ITGB3BP: variants seen among roughly 807,000 people sequenced by gnomAD.
The protein encoded by ITGB3BP is integrin subunit beta 3 binding protein.
In ITGB3BP, 27 loss-of-function variants were observed where a neutral mutation model predicts 29.1. The ratio of observed to expected loss-of-function variants is 0.93; its 90% confidence interval spans 0.68 to 1.28. The LOEUF (loss-of-function observed/expected upper bound fraction) is 1.28. Ranked by LOEUF, ITGB3BP falls within the 50% of genes most tolerant of loss-of-function variation. The pLI is 0.00. For missense variants in ITGB3BP, 192 were observed against 200.2 expected, an observed-to-expected ratio of 0.96 and a Z score of 0.25; for synonymous variants, 61 against 61.4, an observed-to-expected ratio of 0.99 and a Z score of 0.03.
At chr1:63,510,370 G>A (rs1179353032) in intron 1 of ITGB3BP, among the ~76,000 whole-genome samples, 2 of 152,036 alleles carry the variant, frequency 1.3e-5, no homozygotes, top group Non-Finnish European at 2.9e-5. Flanking sequence ...CTTAGACAAA[G>A]TAACTAAATG....
intron 4 of ITGB3BP, among the ~76,000 whole-genome samples, chr1:63,460,314 T>A (rs1349130457): frequency 6.6e-6 from 1 of 152,188 alleles, no homozygotes; most frequent in African/African-American, 2.4e-5. Context: ...GCTTCCCACC[T>A]CCAGCCTCTA....
At chr1:63,452,520 G>A (rs17125020) in intron 7 of ITGB3BP, among the ~76,000 whole-genome samples, 29,770 of 152,098 alleles carry the variant, frequency 0.2, 3,217 homozygotes, top group African/African-American at 0.29. Flanking sequence ...ACAGACAAGA[G>A]GCCAGGCGTG....
Position 63,454,307 on chromosome 1 carries a change from A to G in ITGB3BP, c.427+73T>C. On this transcript the variant is annotated intron_variant, in intron 6 of 8. Transcript: ENST00000271002. The surrounding 1 kb of genome is among the most constrained non-coding windows in gnomAD (Gnocchi z 4.1). ...AGTAATGGTATATATAAAGAAGTCT[A>G]TCAAATGTAAATGAGACAAATTAAT... is the stretch of plus-strand genomic sequence containing the variant. 1.4e-6 allele frequency: 1 copy of G among 722,140 alleles called. No individual in the cohort carries two copies. Among genetic ancestry groups the G allele is most frequent in the Non-Finnish European group, 2.4e-6 (1 of 424,592 alleles). 44.7% of individuals were successfully genotyped at this position (722,140 alleles called of 1,614,324 possible). A position where few individuals can be genotyped will look rare whatever the true frequency, so the allele number is the denominator to read the frequency against.
chr1:63,503,661 C>T (rs1645997197), intron 2 of ITGB3BP, among the ~76,000 whole-genome samples: 1 of 152,146 alleles, frequency 6.6e-6, no homozygotes, highest in Non-Finnish European at 1.5e-5. Context: ...ACATTTAAGT[C>T]TTTAATCCAT....
At chr1:63,505,612 T>G (rs1487550843) in intron 2 of ITGB3BP, among the ~76,000 whole-genome samples, 2 of 152,176 alleles carry the variant, frequency 1.3e-5, no homozygotes, top group Non-Finnish European at 2.9e-5. Flanking sequence ...TTAGGGGGTG[T>G]CAATTTTAGA....
Position 63,446,800 on chromosome 1 carries a change from CAG to C in ITGB3BP, c.*1+4_*1+5del. 1.9e-6 allele frequency: 3 copies of C among 1,593,410 alleles called. No individual in the cohort carries two copies. The highest frequency in any genetic ancestry group is 2.6e-6 in the Non-Finnish European group (3 of 1,161,712). The stretch of plus-strand genomic sequence containing the variant: ...GTTAAACTAAATTAGAAAGGTGAAA[CAG>C]TACCTCAGTTTAAAATGGCTTTAAG... On this transcript the variant is annotated splice_donor_5th_base_variant and intron_variant, in intron 8 of 8. Transcript: ENST00000271002.
intron 4 of ITGB3BP, among the ~76,000 whole-genome samples, chr1:63,462,150 T>A (rs1645027913): frequency 6.6e-6 from 1 of 152,250 alleles, no homozygotes; most frequent in Non-Finnish European, 1.5e-5. Context: ...TTCTTTAATT[T>A]CTTTCAAAAA....
intron 4 of ITGB3BP, among the ~76,000 whole-genome samples, chr1:63,476,856 G>GTA (rs1220516983): frequency 6.6e-6 from 1 of 152,074 alleles, no homozygotes; most frequent in African/African-American, 2.4e-5. Context: ...TGCTTTCACT[G>GTA]TATATCCTTT....
rs1305700933 is a variant in ITGB3BP at position 63,490,174 on chromosome 1, A to T, written c.93T>A (p.Thr31=). Residue 31 remains threonine, a synonymous_variant, in exon 3 of 9, where the codon ACT becomes ACA. Transcript: ENST00000271002. ...SKITRKKSVI[T]YSPTTGTCQM... ...GACAAGTTCCAGTTGTTGGAGAATA[A>T]GTTATAACACTTTTCTTCCTTGTGA... 1 of 1,594,622 alleles carries T rather than the reference A, an allele frequency of 6.3e-7. No individual in the cohort carries two copies. The highest frequency in any genetic ancestry group is 8.6e-7 in the Non-Finnish European group (1 of 1,163,492).
intron 3 of ITGB3BP, among the ~76,000 whole-genome samples, chr1:63,488,718 A>T (rs1233692039): frequency 1.3e-5 from 2 of 152,104 alleles, no homozygotes; most frequent in Non-Finnish European, 2.9e-5. Flanking sequence ...TATATATTAC[A>T]GCACATATGA....
rs1236322223 is a variant in ITGB3BP at position 63,500,753 on chromosome 1, G to A, written c.48+7775C>T. 3.3e-5 allele frequency among the ~76,000 whole-genome samples: 5 copies of A among 151,834 alleles called. No homozygotes were observed. The East Asian group carries it at 9.6e-4, about 29-fold the overall frequency. On this transcript the variant is annotated intron_variant, in intron 2 of 8. Coordinates refer to ENST00000271002, the MANE Select transcript of ITGB3BP (RefSeq NM_014288.5). ...ATGTAATCCTTATCAAAATTCCAAT[G>A]CCTTTTTTTTTCCAGAAGTGGACTA...
intron 4 of ITGB3BP, among the ~76,000 whole-genome samples, chr1:63,461,900 T>C (rs539412867): frequency 6.6e-6 from 1 of 152,348 alleles, no homozygotes; most frequent in Non-Finnish European, 1.5e-5. Flanking sequence ...TCAGGAAATA[T>C]GAGTCTTCCA....
At chr1:63,472,711 G>C (rs576321698) in intron 4 of ITGB3BP, among the ~76,000 whole-genome samples, 3 of 151,220 alleles carry the variant, frequency 2.0e-5, no homozygotes, top group South Asian at 2.1e-4. Flanking sequence ...TCCTAACCGC[G>C]AGTGATCCGC....
At chr1:63,453,269 A>C (rs1644886880) in intron 7 of ITGB3BP, among the ~76,000 whole-genome samples, 1 of 152,348 alleles carries the variant, frequency 6.6e-6, no homozygotes, top group Admixed American at 6.5e-5. Flanking sequence ...GGCTGAAAAC[A>C]CGGCCACCCA....
chr1:63,517,232 T>C (rs960109865), intron 1 of ITGB3BP, among the ~76,000 whole-genome samples: 1 of 151,986 alleles, frequency 6.6e-6, no homozygotes, highest in Non-Finnish European at 1.5e-5. Flanking sequence ...ATGACAGGGA[T>C]TGCATTAAAT....
chr1:63,506,299 G>A lies in ITGB3BP; in HGVS notation c.48+2229C>T, dbSNP rs562827350. The stretch of plus-strand genomic sequence containing the variant: ...TTCTTTGTCTCTTTTGATCTTTGTT[G>A]GTTTAAAGTCTGTTTTATCAGAGAC... On this transcript the variant is annotated intron_variant, in intron 2 of 8. Transcript: ENST00000271002. Among the ~76,000 whole-genome samples, 18 of 152,174 alleles carry A rather than the reference G, an allele frequency of 1.2e-4. No individual in the cohort carries two copies. The South Asian group carries it at 3.1e-3, about 26-fold the overall frequency.
In ITGB3BP at chr1:63,478,809, G is replaced by T; in HGVS notation, c.209C>A (p.Pro70His). The T allele has an allele frequency of 6.9e-7, 1 of 1,440,280 alleles. No homozygotes were observed. Among genetic ancestry groups the T allele is most frequent in the Non-Finnish European group, 9.4e-7 (1 of 1,065,518 alleles). The allele number at this position is 1,440,280 out of a possible 1,614,324, so 89.2% of individuals were successfully genotyped here. A position where few individuals can be genotyped will look rare whatever the true frequency, so the allele number is the denominator to read the frequency against. Reference sequence around the variant, plus strand: ...AGATTCTTTGCTTTCAGTTAAACTGGGGTGATTCAATTTTTTTCTCTTTTC... The same window carrying T: ...AGATTCTTTGCTTTCAGTTAAACTGTGGTGATTCAATTTTTTTCTCTTTTC... ...SNEKRKKLNH[P>H]SLTESKESTT... The change falls in exon 4 of 9, where the codon CCC becomes CAC. Residue 70 changes from proline (P) to histidine (H), a missense_variant. Pro to His is a moderately conservative substitution (Grantham distance 77). Coordinates refer to ENST00000271002, the MANE Select transcript of ITGB3BP (RefSeq NM_014288.5).
chr1:63,503,709 C>G (rs1204072402), intron 2 of ITGB3BP, among the ~76,000 whole-genome samples: 1 of 152,138 alleles, frequency 6.6e-6, no homozygotes, highest in Non-Finnish European at 1.5e-5. Context: ...AGGAAGGGAT[C>G]CAGTTTCAGC....
chr1:63,478,745 T>C lies in ITGB3BP; in HGVS notation c.254+19A>G. ...TTCTGCAAGATACACATATATAATT[T>C]CAAAAATAACAAACTTACTCATCAT... On this transcript the variant is annotated intron_variant, in intron 4 of 8. Coordinates refer to ENST00000271002, the MANE Select transcript of ITGB3BP (RefSeq NM_014288.5). The C allele has an allele frequency of 8.2e-7, 1 of 1,221,440 alleles. No homozygotes were observed. The allele number at this position is 1,221,440 out of a possible 1,614,324, so 75.7% of individuals were successfully genotyped here. A position where few individuals can be genotyped will look rare whatever the true frequency, so the allele number is the denominator to read the frequency against.
Sources: gnomAD v4.1 joint callset for allele counts (sites outside exome capture counted in the v4.1 genomes callset) on GRCh38, gnomAD v4.1.1 for gene constraint, Gnocchi (gnomAD v3.1) non-coding constraint, MANE v1.5 for transcripts, NCBI Gene and HGNC (gene_info 2026-07-23, HGNC 2026-07-21) for gene names.